Variants in HOMER2 observed in about 807,000 individuals in gnomAD.
The protein encoded by HOMER2 is homer scaffold protein 2.
Under a neutral mutation model 47.0 loss-of-function variants are expected in HOMER2, and 27 were observed. The ratio of observed to expected loss-of-function variants is 0.57; its 90% CI spans 0.42 to 0.79. HOMER2 has a LOEUF of 0.79. HOMER2 is among the 30% of genes least tolerant of loss of function. The pLI is 0.00. For missense variants in HOMER2, 443 were observed against 435.0 expected (o/e 1.02, Z -0.16); for synonymous variants, 161 against 163.8 (o/e 0.98, Z 0.13).
At chr15:82,936,659 G>A (rs540973321) in intron 1 of HOMER2, among the ~76,000 whole-genome samples, 122 of 152,110 alleles carry the variant, frequency 8.0e-4, no homozygotes, top group African/African-American at 2.8e-3. Flanking sequence ...TGCAACCTCC[G>A]TCTCCCAGGT....
intron 3 of HOMER2, among the ~76,000 whole-genome samples, chr15:82,865,262 C>G (rs1297487312): frequency 6.6e-6 from 1 of 152,150 alleles, no homozygotes; most frequent in East Asian, 1.9e-4. Context: ...GCTTAAAACA[C>G]GAGGTCCAGC....
At chr15:82,857,586 G>A (rs377335017) in intron 5 of HOMER2, among the ~76,000 whole-genome samples, 7 of 151,672 alleles carry the variant, frequency 4.6e-5, no homozygotes, top group African/African-American at 4.8e-5. Flanking sequence ...ATGTATCACC[G>A]TGCCCGGCCA....
At chr15:82,868,518 T>TA (rs2151644497) in intron 3 of HOMER2, among the ~76,000 whole-genome samples, 1 of 55,876 alleles carries the variant, frequency 1.8e-5, no homozygotes, top group Non-Finnish European at 3.2e-5. Flanking sequence ...TATCACTTAT[T>TA]TATTTTATAT....
rs535704956 is a variant in HOMER2, at chr15:82,869,704, C to T, written c.295-5445G>A. ...AACTCTTGACCTCAGGTGATCCACC[C>T]GCCTGGGTCTCCCAAAATGCTCCGA... On this transcript the variant is annotated intron_variant, in intron 3 of 8. Coordinates refer to ENST00000450735, the MANE Select transcript of HOMER2 (RefSeq NM_004839.4). Among the ~76,000 whole-genome samples, 10 of 152,176 alleles carry T rather than the reference C, an allele frequency of 6.6e-5. No homozygotes were observed. The East Asian group carries it at 1.2e-3, about 18-fold the overall frequency.
intron 1 of HOMER2, among the ~76,000 whole-genome samples, chr15:82,942,385 G>A (rs2054284104): frequency 6.6e-6 from 1 of 152,170 alleles, no homozygotes; most frequent in Non-Finnish European, 1.5e-5. Flanking sequence ...AGATCCATAC[G>A]AGTAAGGATG....
exon 2 of HOMER2, chr15:82,958,960 C>T (rs1596384708): frequency 6.6e-6 from 1 of 152,390 alleles, no homozygotes; most frequent in African/African-American, 2.4e-5. Context: ...CTATCACACT[C>T]ATTGTCACCC....
chr15:82,983,570 C>T lies in HOMER2; in HGVS notation n.82+2217G>A, dbSNP rs151251138. Among the ~76,000 whole-genome samples, 6 of 151,826 alleles carry T rather than the reference C, an allele frequency of 4.0e-5. No homozygotes were observed. The East Asian group carries it at 1.2e-3, about 29-fold the overall frequency. ...ATTTCCCAGGCTTAAAGAATTGGAG[C>T]CTTTCCTGATTTCTTTCTTTTCTTT... On this transcript the variant is annotated intron_variant and non_coding_transcript_variant, in intron 1 of 1. Coordinates refer to the HOMER2 transcript ENST00000500334.
intron 2 of HOMER2, among the ~76,000 whole-genome samples, chr15:82,880,203 T>A (rs191149180): frequency 1.3e-5 from 2 of 152,256 alleles, no homozygotes; most frequent in South Asian, 2.1e-4. Flanking sequence ...TATTGGTCTA[T>A]GGCTGCTTTC....
downstream of HOMER2, chr15:82,846,540 A>C (rs11856316): frequency 0.32 from 48,835 of 152,094 alleles, 7,896 homozygotes; most frequent in Middle Eastern, 0.36. Context: ...CATGTCTCAA[A>C]AGATACTGCA....
chr15:82,961,522 A>G (rs2054630295), intron 1 of HOMER2, among the ~76,000 whole-genome samples: 1 of 152,238 alleles, frequency 6.6e-6, no homozygotes, highest in Non-Finnish European at 1.5e-5. Context: ...ACTTTACTCA[A>G]GTATCCCTTT....
chr15:82,986,097 G>T (rs1198634470), upstream of HOMER2: 3 of 985,428 alleles, frequency 3.0e-6, no homozygotes, highest in East Asian at 3.4e-4. Context: ...AGCTCTGGGC[G>T]TTGTGCCAGC....
intron 1 of HOMER2, among the ~76,000 whole-genome samples, chr15:82,924,534 G>A (rs2053812053): frequency 6.6e-6 from 1 of 152,086 alleles, no homozygotes; most frequent in Non-Finnish European, 1.5e-5. Context: ...ATGTTTCCAT[G>A]CACATTTACA....
intron 2 of HOMER2, among the ~76,000 whole-genome samples, chr15:82,884,731 T>A (rs1412772443): frequency 1.4e-5 from 1 of 73,500 alleles, no homozygotes; most frequent in African/African-American, 8.0e-5. Flanking sequence ...GTGATTTTTG[T>A]ACATTGATTT....
At chr15:82,859,754 T>C (rs1238497324) in intron 4 of HOMER2, among the ~76,000 whole-genome samples, 18 of 152,214 alleles carry the variant, frequency 1.2e-4, no homozygotes, top group Admixed American at 1.1e-3. Context: ...AAATCTCATC[T>C]GGTGCTAGAT....
upstream of HOMER2, chr15:82,985,971 C>A: frequency 4.5e-6 from 3 of 666,964 alleles, no homozygotes; most frequent in Non-Finnish European, 5.6e-6. Context: ...TCACCTGCTC[C>A]CAATCAAAGG....
chr15:82,936,198 C>G (rs2054139760), intron 1 of HOMER2, among the ~76,000 whole-genome samples: 1 of 152,216 alleles, frequency 6.6e-6, no homozygotes, highest in Non-Finnish European at 1.5e-5. Context: ...TGCTCCCTTT[C>G]TGCACATGCG....
chr15:82,851,300 AT>A, intron 7 of HOMER2, 69 bp from the exon 8 acceptor site: 1 of 1,081,680 alleles, frequency 9.2e-7, no homozygotes, highest in South Asian at 1.3e-5. Context: ...AAAATCACCA[AT>A]GTGTGCACGC....
rs774045431 is a variant in HOMER2, at chr15:82,859,034, C to T, written c.489G>A (p.Thr163=). 36 of 1,613,724 alleles carry T rather than the reference C, an allele frequency of 2.2e-5. No homozygotes were observed. The highest frequency in any genetic ancestry group is 2.0e-4 in the African/African-American group (15 of 75,042). Residue 163 remains threonine, a synonymous_variant, in exon 5 of 9, where the codon ACG becomes ACA. Coordinates refer to ENST00000450735, the MANE Select transcript of HOMER2 (RefSeq NM_004839.4). ...SENDKLKIAL[T]QSAANVKKWE... ...GGACTTTAAAACAGCCTTACCTCTG[C>T]GTCAAGGCAATCTTCAGCTTGTCAT... is the stretch of plus-strand genomic sequence containing the variant.
intron 1 of HOMER2, among the ~76,000 whole-genome samples, chr15:82,980,775 G>T (rs1192540903): frequency 6.6e-6 from 1 of 152,192 alleles, no homozygotes; most frequent in Non-Finnish European, 1.5e-5. Flanking sequence ...CAATTTTAGA[G>T]TCTTGAATTT....
Sources: gnomAD v4.1 joint callset for allele counts (sites outside exome capture counted in the v4.1 genomes callset) on GRCh38, gnomAD v4.1.1 for gene constraint, MANE v1.5 for transcripts, NCBI Gene and HGNC (gene_info 2026-07-23, HGNC 2026-07-21) for gene names.